Variants in BCAS3 observed in about 807,000 individuals in gnomAD.
BCAS3 encodes BCAS4/BCAS3 fusion.
A neutral mutation model predicts 116.1 loss-of-function variants in BCAS3; 53 were observed. The observed-to-expected ratio is 0.46, with a 90% CI of 0.37 to 0.57. The LOEUF is 0.57. Among genes scored for constraint, BCAS3 ranks in the 20% least tolerant of loss-of-function variants. The probability of loss-of-function intolerance (pLI) is 0.00; values close to 1 mark genes in which losing one functional copy is unlikely to be tolerated. For missense variants in BCAS3, 917 were observed against 1,165.4 expected, an observed-to-expected ratio of 0.79 and a Z score of 3.10; for synonymous variants, 391 against 408.2, an observed-to-expected ratio of 0.96 and a Z score of 0.51.
At chr17:60,888,681 G>T (rs1399312850) in intron 9 of BCAS3, among the ~76,000 whole-genome samples, 2 of 152,070 alleles carry the variant, frequency 1.3e-5, no homozygotes, top group African/African-American at 2.4e-5. Context: ...TTAACCTGAA[G>T]TCAGTTTTCC....
rs117450591 is a variant in BCAS3 at position 60,729,220 on chromosome 17, C to A, written c.322-17978C>A. 3.8e-3 allele frequency among the ~76,000 whole-genome samples: 569 copies of A among 150,908 alleles called. 1 individual carries two copies. The highest frequency in any genetic ancestry group is 6.3e-3 in the Non-Finnish European group (428 of 67,772). On this transcript the variant is annotated intron_variant, in intron 5 of 23. Coordinates refer to ENST00000407086, the MANE Select transcript of BCAS3 (RefSeq NM_017679.5). ...TTTCACTATTTAAATATACCATAAT[C>A]TGTTTAGTTATTTTCTTTTTGATGG...
chr17:61,144,469 T>A lies in BCAS3; in HGVS notation c.2425+59905T>A, dbSNP rs2077091239. Among the ~76,000 whole-genome samples the A allele has an allele frequency of 6.6e-6, 1 of 152,236 alleles. No individual in the cohort carries two copies. The highest frequency in any genetic ancestry group is 1.5e-5 in the Non-Finnish European group (1 of 68,046). ...GAAGTGTCCCTCCAAGCATTCTCTA[T>A]CTTCTGGTAATGCAAAAGTGTTAGA... On this transcript the variant is annotated intron_variant, in intron 22 of 23. Transcript: ENST00000407086. The surrounding 1 kb of genome is among the most constrained non-coding windows in gnomAD (Gnocchi z 5.0).
At chr17:61,048,290 A>G (rs916308708) in intron 19 of BCAS3, among the ~76,000 whole-genome samples, 4 of 152,056 alleles carry the variant, frequency 2.6e-5, no homozygotes, top group African/African-American at 9.7e-5. Context: ...CAACAGAAAC[A>G]GAAATCATAT....
intron 22 of BCAS3, among the ~76,000 whole-genome samples, chr17:61,221,830 G>A (rs767060757): frequency 8.5e-5 from 13 of 152,200 alleles, no homozygotes; most frequent in South Asian, 2.1e-4. Flanking sequence ...AAACCCTAGC[G>A]TTACCCGGAA....
chr17:61,303,839 G>A (rs1045619196), intron 22 of BCAS3, among the ~76,000 whole-genome samples: 5 of 152,188 alleles, frequency 3.3e-5, no homozygotes, highest in African/African-American at 1.2e-4. Context: ...ATGCATCTCT[G>A]TGACCCCAGC....
intron 5 of BCAS3, among the ~76,000 whole-genome samples, chr17:60,729,315 CTTTTT>C (rs560082947): frequency 9.2e-6 from 1 of 109,098 alleles, no homozygotes; most frequent in Non-Finnish European, 2.0e-5. Context: ...TATGTGGACT[CTTTTT>C]TTTTTTTTTT....
intron 14 of BCAS3, among the ~76,000 whole-genome samples, chr17:60,983,903 T>G (rs75720333): frequency 0.019 from 2,829 of 152,276 alleles, 103 homozygotes; most frequent in African/African-American, 0.065. Context: ...GTTTACACCT[T>G]TGTTCGTCCT....
At chr17:61,271,313 G>A (rs1318816513) in intron 22 of BCAS3, among the ~76,000 whole-genome samples, 1 of 144,140 alleles carries the variant, frequency 6.9e-6, no homozygotes, top group Non-Finnish European at 1.5e-5. Flanking sequence ...ATTTTTAGTA[G>A]AGATGGGTTT....
chr17:61,195,791 A>G (rs1046692248), intron 22 of BCAS3, among the ~76,000 whole-genome samples: 1 of 152,188 alleles, frequency 6.6e-6, no homozygotes, highest in African/African-American at 2.4e-5. Flanking sequence ...ACTTATTTAT[A>G]AACTTTCCAG....
At chr17:61,055,627 C>T (rs940190827) in intron 19 of BCAS3, among the ~76,000 whole-genome samples, 1 of 152,124 alleles carries the variant, frequency 6.6e-6, no homozygotes, top group Non-Finnish European at 1.5e-5. Flanking sequence ...AACAATGGGA[C>T]GTCTGGTAGT....
chr17:61,391,598 G>A lies in BCAS3; in HGVS notation c.2594-379G>A, dbSNP rs1033396894. 7 of 180,556 alleles carry A rather than the reference G, an allele frequency of 3.9e-5. No homozygotes were observed. The highest frequency in any genetic ancestry group is 1.8e-4 in the Admixed American group (3 of 16,312). The allele number at this position is 180,556 out of a possible 1,614,324, so 11.2% of individuals were successfully genotyped here. A position where few individuals can be genotyped will look rare whatever the true frequency, so the allele number is the denominator to read the frequency against. On this transcript the variant is annotated intron_variant, in intron 23 of 23. Coordinates refer to ENST00000407086, the MANE Select transcript of BCAS3 (RefSeq NM_017679.5). This position sits in a 1 kb window ranked among gnomAD's most constrained non-coding sequence, Gnocchi z 7.7. ...CCCCGCCTGCCTCCCCTGTAGAGCC[G>A]GGACAGAAGGCACTGTGGAGTTGGG...
intron 7 of BCAS3, among the ~76,000 whole-genome samples, chr17:60,858,742 G>A (rs2053897847): frequency 6.6e-6 from 1 of 152,014 alleles, no homozygotes. Context: ...TTGCATTCTT[G>A]CCATAACTTT....
intron 22 of BCAS3, among the ~76,000 whole-genome samples, chr17:61,120,562 T>C (rs1258648228): frequency 6.6e-6 from 1 of 152,116 alleles, no homozygotes; most frequent in Non-Finnish European, 1.5e-5. Flanking sequence ...GCCTGATGTA[T>C]CCCTGAAAAT....
rs2063657708 is a variant in BCAS3, at chr17:60,993,486, G to A, written c.1486+3251G>A. ...GCCTATTCCTCCTGATAGATAACAC[G>A]TGTTAAAATTTTATTTCCAGAATTT... On this transcript the variant is annotated intron_variant, in intron 15 of 23. Transcript: ENST00000407086. The surrounding 1 kb of genome is among the most constrained non-coding windows in gnomAD (Gnocchi z 4.2). Among the ~76,000 whole-genome samples, 2 of 152,218 alleles carry A rather than the reference G, an allele frequency of 1.3e-5. No individual in the cohort carries two copies. Among genetic ancestry groups the A allele is most frequent in the African/African-American group, 2.4e-5 (1 of 41,568 alleles).
Position 61,313,335 on chromosome 17 carries a change from A to G in BCAS3, c.2426-54992A>G, listed in dbSNP as rs1046222650. Among the ~76,000 whole-genome samples the G allele has an allele frequency of 1.3e-5, 2 of 152,192 alleles. No homozygotes were observed. The highest frequency in any genetic ancestry group is 4.8e-5 in the African/African-American group (2 of 41,440). On this transcript the variant is annotated intron_variant, in intron 22 of 23. Coordinates refer to ENST00000407086, the MANE Select transcript of BCAS3 (RefSeq NM_017679.5). This position sits in a 1 kb window ranked among gnomAD's most constrained non-coding sequence, Gnocchi z 4.3. ...TGTCTTCCCTCCACCATGCCCTACT[A>G]CCTTCCTATAGGAAGCTTAATCTGC...
chr17:60,857,718 G>A (rs937955561), intron 7 of BCAS3, among the ~76,000 whole-genome samples: 23 of 152,250 alleles, frequency 1.5e-4, no homozygotes, highest in African/African-American at 4.6e-4. Context: ...TATGTCGGGC[G>A]TGCACCCAAC....
At chr17:61,175,873 C>T (rs1303958435) in intron 22 of BCAS3, among the ~76,000 whole-genome samples, 8 of 152,056 alleles carry the variant, frequency 5.3e-5, no homozygotes, top group Non-Finnish European at 1.0e-4. Context: ...TGGTGGCTCA[C>T]GCCTGTAATT....
intron 22 of BCAS3, among the ~76,000 whole-genome samples, chr17:61,342,113 C>T (rs1414991462): frequency 1.3e-5 from 2 of 152,156 alleles, no homozygotes; most frequent in Non-Finnish European, 2.9e-5. Context: ...AAGCAATTCT[C>T]CTGCCTCAGC....
At chr17:60,955,270 T>C (rs1460061793) in intron 14 of BCAS3, among the ~76,000 whole-genome samples, 1 of 152,176 alleles carries the variant, frequency 6.6e-6, no homozygotes, top group Non-Finnish European at 1.5e-5. Flanking sequence ...AACATTCTTC[T>C]GTGTAACCAT....
Sources: allele counts gnomAD v4.1 joint callset (sites outside exome capture counted in the v4.1 genomes callset), GRCh38; gene constraint gnomAD v4.1.1; non-coding constraint Gnocchi (gnomAD v3.1); transcripts MANE v1.5; gene names NCBI Gene and HGNC (gene_info 2026-07-23, HGNC 2026-07-21).